The following ASAH2 variants were observed in gnomAD, a reference collection of about 807,000 sequenced individuals.
ASAH2 encodes the protein neutral ceramidase.
A neutral mutation model predicts 82.9 loss-of-function variants in ASAH2; 58 were observed. The observed-to-expected ratio is 0.70, with a 90% CI of 0.57 to 0.87. The LOEUF is 0.87. ASAH2 is among the 40% of genes least tolerant of loss of function. The pLI is 0.00. For synonymous variants in ASAH2, 276 were observed against 289.7 expected (o/e 0.95, Z 0.48); for missense variants, 779 against 834.0 (o/e 0.93, Z 0.81).
intron 6 of ASAH2, 67 bp from the exon 7 acceptor site, chr10:50,233,328 A>C: frequency 8.3e-7 from 1 of 1,203,040 alleles, no homozygotes; most frequent in Non-Finnish European, 1.2e-6. Context: ...TAAGATGAAC[A>C]GTAGCAGCTG....
At chr10:50,242,690 T>G (rs1846334867) in intron 4 of ASAH2, among the ~76,000 whole-genome samples, 1 of 152,130 alleles carries the variant, frequency 6.6e-6, no homozygotes, top group Non-Finnish European at 1.5e-5. Context: ...AATTTCAAAT[T>G]TGTACAAAAA....
intron 18 of ASAH2, among the ~76,000 whole-genome samples, chr10:50,195,686 T>C (rs2133195005): frequency 6.6e-6 from 1 of 152,036 alleles, no homozygotes; most frequent in South Asian, 2.1e-4. Flanking sequence ...ATGTAGTACA[T>C]ATACACAATG....
chr10:50,246,767 C>T (rs1202571575), intron 2 of ASAH2, among the ~76,000 whole-genome samples: 1 of 152,106 alleles, frequency 6.6e-6, no homozygotes, highest in East Asian at 1.9e-4. Flanking sequence ...ATTCCCAAGC[C>T]GAGATTTTCT....
chr10:50,248,145 C>T (rs527354940), intron 2 of ASAH2, among the ~76,000 whole-genome samples: 3 of 152,300 alleles, frequency 2.0e-5, no homozygotes, highest in Non-Finnish European at 2.9e-5. Flanking sequence ...AAAATGATGT[C>T]TACAAGGAGG....
chr10:50,213,122 A>G, intron 9 of ASAH2, 64 bp from the exon 10 acceptor site: 1 of 1,354,526 alleles, frequency 7.4e-7, no homozygotes, highest in South Asian at 1.2e-5. Flanking sequence ...GGAATAAAGA[A>G]TTATAACTGA....
At chr10:50,209,416 C>G (rs2133205462) in intron 12 of ASAH2, among the ~76,000 whole-genome samples, 1 of 152,268 alleles carries the variant, frequency 6.6e-6, no homozygotes, top group South Asian at 2.1e-4. Context: ...GTGGTGCAAT[C>G]TTGTCTCACT....
intron 8 of ASAH2, among the ~76,000 whole-genome samples, chr10:50,215,888 A>G (rs1457064113): frequency 1.3e-5 from 2 of 152,196 alleles, no homozygotes; most frequent in Non-Finnish European, 2.9e-5. Flanking sequence ...ACTATTCACA[A>G]TAGCAAAGAC....
At chr10:50,204,997 C>G in intron 13 of ASAH2, 42 bp from the exon 14 acceptor site, 1 of 1,379,694 alleles carries the variant, frequency 7.2e-7, no homozygotes, top group Non-Finnish European at 1.0e-6. Flanking sequence ...GGATAACACT[C>G]TCTCTATGGT....
Position 50,234,665 on chromosome 10 carries a change from G to A in ASAH2, c.688-113C>T, listed in dbSNP as rs1366737924. On this transcript the variant is annotated intron_variant, in intron 5 of 20. Transcript: ENST00000682911. The stretch of plus-strand genomic sequence containing the variant: ...GAACAATTTCCTTTGTCTCTAATGG[G>A]TCCACATTACGGGATAAAAGCTGGA... 7 of 1,428,360 alleles carry A rather than the reference G, an allele frequency of 4.9e-6. No homozygotes were observed. In the African/African-American group the frequency reaches 7.1e-5, roughly 14 times the overall value. The allele number at this position is 1,428,360 out of a possible 1,614,324, so 88.5% of individuals were successfully genotyped here.
At chr10:50,206,537 T>TACACACACACACACACAC (rs544968746) in intron 12 of ASAH2, among the ~76,000 whole-genome samples, 15 of 130,824 alleles carry the variant, frequency 1.1e-4, no homozygotes, top group African/African-American at 2.8e-4. Context: ...TTTAGTTATC[T>TACACACACACACACACAC]ACACACACAC....
chr10:50,230,915 C>A (rs1021814498), intron 7 of ASAH2, among the ~76,000 whole-genome samples: 112 of 151,830 alleles, frequency 7.4e-4, no homozygotes, highest in Non-Finnish European at 1.3e-3. Context: ...GTGGTGAGCA[C>A]CTGTAGTCCC....
At chr10:50,240,554 C>T (rs1270765943) in intron 4 of ASAH2, 2 of 702,266 alleles carry the variant, frequency 2.8e-6, no homozygotes, top group South Asian at 1.5e-5. Context: ...CCATATCACC[C>T]ACAGAATTAA....
intron 4 of ASAH2, among the ~76,000 whole-genome samples, chr10:50,239,579 A>T (rs1282804058): frequency 6.6e-6 from 1 of 152,172 alleles, no homozygotes; most frequent in Non-Finnish European, 1.5e-5. Context: ...TTCTGACACC[A>T]AAACACTTAA....
chr10:50,200,388 C>T (rs1205938368), intron 16 of ASAH2, among the ~76,000 whole-genome samples: 1 of 150,854 alleles, frequency 6.6e-6, no homozygotes, highest in African/African-American at 2.4e-5. Context: ...TTACTCCATG[C>T]TACTCAACGA....
chr10:50,202,270 T>G (rs1430140723), intron 16 of ASAH2, among the ~76,000 whole-genome samples: 1 of 152,064 alleles, frequency 6.6e-6, no homozygotes, highest in African/African-American at 2.4e-5. Context: ...TGGACTGTTT[T>G]CATGTTTTAC....
chr10:50,236,793 AAT>A (rs1846171679), intron 4 of ASAH2, among the ~76,000 whole-genome samples: 1 of 152,134 alleles, frequency 6.6e-6, no homozygotes, highest in Non-Finnish European at 1.5e-5. Flanking sequence ...CTGTTGATCT[AAT>A]AAGTAGCAGA....
chr10:50,234,748 T>G (rs1228933013), intron 5 of ASAH2, among the ~76,000 whole-genome samples, 196 bp from the exon 6 acceptor site: 2 of 152,136 alleles, frequency 1.3e-5, no homozygotes, highest in South Asian at 4.1e-4. Context: ...AAGGTTGAGA[T>G]AAGGGAAATG....
chr10:50,211,811 C>T (rs1217767523), intron 10 of ASAH2, among the ~76,000 whole-genome samples: 1 of 152,122 alleles, frequency 6.6e-6, no homozygotes, highest in Admixed American at 6.6e-5. Context: ...CTGTCCCCAC[C>T]CCAGTTTCAA....
Position 50,187,118 on chromosome 10 carries a change from T to TCACACACACA in ASAH2, c.*187_*196dup, listed in dbSNP as rs1171385681. The TCACACACACA allele has an allele frequency of 2.7e-4, 43 of 157,412 alleles. No homozygotes were observed. Among genetic ancestry groups the TCACACACACA allele is most frequent in the South Asian group, 7.9e-4 (16 of 20,210 alleles). 9.8% of individuals were successfully genotyped at this position (157,412 alleles called of 1,614,324 possible). ...CTCTCTCTCTCTCTCTCTCTCTCTCTCACACACACACACACACACACACAC... is the reference window on the plus strand; with the variant it reads ...CTCTCTCTCTCTCTCTCTCTCTCTCTCACACACACACACACACACACACACACACACACAC... On this transcript the variant is annotated 3_prime_UTR_variant, in exon 21 of 21. Coordinates refer to ENST00000682911, the MANE Select transcript of ASAH2 (RefSeq NM_019893.4).
Sources: gnomAD v4.1 joint callset for allele counts (sites outside exome capture counted in the v4.1 genomes callset) on GRCh38, gnomAD v4.1.1 for gene constraint, MANE v1.5 for transcripts, NCBI Gene and HGNC (gene_info 2026-07-23, HGNC 2026-07-21) for gene names.